The following FOXR1 variants were observed in gnomAD, a reference collection of about 807,000 sequenced individuals.
FOXR1 encodes the protein forkhead box R1, also known as forkhead box protein R1.
Under a neutral mutation model 34.5 loss-of-function variants are expected in FOXR1, and 25 were observed. The ratio of observed to expected loss-of-function variants is 0.72; its 90% confidence interval spans 0.53 to 1.01. The LOEUF (loss-of-function observed/expected upper bound fraction) is 1.01. FOXR1 is among the 50% of genes least tolerant of loss of function. The pLI, the probability that FOXR1 is intolerant of heterozygous loss-of-function variation, is 0.00. For synonymous variants in FOXR1, 153 were observed against 141.6 expected (o/e 1.08, Z -0.57); for missense variants, 373 against 376.2 (o/e 0.99, Z 0.07).
Position 118,979,605 on chromosome 11 carries a change from C to T in FOXR1, c.548C>T (p.Ala183Val), listed in dbSNP as rs781867366. Residue 183 changes from alanine to valine, a missense_variant, in exon 4 of 6, where the codon GCC becomes GTC. Ala to Val is a moderately conservative substitution (Grantham distance 64). Transcript: ENST00000317011. ...CCTCTCAATTACTTCCACCTAATTGCCCTGGCATTAAGAAACAGTTCCCCC... is the reference window on the plus strand; with the variant it reads ...CCTCTCAATTACTTCCACCTAATTGTCCTGGCATTAAGAAACAGTTCCCCC... ...RPPLNYFHLI[A>V]LALRNSSPCG... 5.6e-6 allele frequency: 9 copies of T among 1,612,660 alleles called. No individual in the cohort carries two copies. The highest frequency in any genetic ancestry group is 2.2e-5 in the South Asian group (2 of 90,714).
In FOXR1 at chr11:118,971,839, C is replaced by CCT. The variant is rs1397354240; in HGVS notation, c.-90_-89dup. 7.1e-7 allele frequency: 1 copy of CCT among 1,410,710 alleles called. No individual in the cohort carries two copies. The highest frequency in any genetic ancestry group is 1.4e-5 in the African/African-American group (1 of 70,246). 87.4% of individuals were successfully genotyped at this position (1,410,710 alleles called of 1,614,324 possible). A position where few individuals can be genotyped will look rare whatever the true frequency, so the allele number is the denominator to read the frequency against. ...CGCGTCCCCACTCCGCGCCGCCGCG[C>CCT]CTCTGCCAGCCCCGAAGGTGGACGT... On this transcript the variant is annotated 5_prime_UTR_variant, in exon 1 of 6. Transcript: ENST00000317011.
intron 1 of FOXR1, among the ~76,000 whole-genome samples, chr11:118,974,408 T>C (rs940469402): frequency 2.0e-5 from 3 of 152,016 alleles, no homozygotes; most frequent in African/African-American, 7.2e-5. Context: ...TCTCCCTATG[T>C]TGCCCAGGCT....
chr11:118,980,339 C>A, intron 4 of FOXR1, 151 bp from the exon 5 acceptor site: 1 of 863,798 alleles, frequency 1.2e-6, no homozygotes, highest in Non-Finnish European at 1.9e-6. Flanking sequence ...TTGCCACGTG[C>A]TCAGTTAGCA....
intron 1 of FOXR1, 58 bp from the exon 2 acceptor site, chr11:118,978,724 A>C (rs1592028407): frequency 1.3e-6 from 2 of 1,585,680 alleles, no homozygotes; most frequent in Non-Finnish European, 1.7e-6. Flanking sequence ...CTAGGATCCT[A>C]GGGTCACAAA....
intron 4 of FOXR1, 106 bp from the exon 5 acceptor site, chr11:118,980,384 C>G: frequency 7.6e-7 from 1 of 1,313,130 alleles, no homozygotes; most frequent in Non-Finnish European, 1.1e-6. Flanking sequence ...TACTATCCCC[C>G]TGGAGAGAAG....
In FOXR1 at chr11:118,979,207, A is replaced by G; in HGVS notation, c.384+3A>G. 6.6e-7 allele frequency: 1 copy of G among 1,518,750 alleles called. No individual in the cohort carries two copies. The highest frequency in any genetic ancestry group is 8.8e-7 in the Non-Finnish European group (1 of 1,136,744). 94.1% of individuals were successfully genotyped at this position (1,518,750 alleles called of 1,614,324 possible). ...CCTTTTCCCCCAGCACCTGGGAGGTATGCATTTTTGGGGATGGGAGTGGGA... is the reference window on the plus strand; with the variant it reads ...CCTTTTCCCCCAGCACCTGGGAGGTGTGCATTTTTGGGGATGGGAGTGGGA... On this transcript the variant is annotated splice_donor_region_variant and intron_variant, in intron 3 of 5. Coordinates refer to ENST00000317011, the MANE Select transcript of FOXR1 (RefSeq NM_181721.3).
rs1389522055 is a variant in FOXR1, at chr11:118,980,547, C to T, written c.669C>T (p.His223=). The T allele has an allele frequency of 6.2e-7, 1 of 1,614,250 alleles. No homozygotes were observed. Among genetic ancestry groups the T allele is most frequent in the Non-Finnish European group, 8.5e-7 (1 of 1,180,048 alleles). ...AAGGCTGGAAGAATACTGTCCGTCA[C>T]AATCTCTGTTTTCGAGACAGCTTTG... ...APEGWKNTVR[H]NLCFRDSFEK... Residue 223 remains histidine, a synonymous_variant, in exon 5 of 6, where the codon CAC becomes CAT. Transcript: ENST00000317011.
Position 118,979,609 on chromosome 11 carries a change from G to T in FOXR1, c.552G>T (p.Leu184=). The change falls in exon 4 of 6, where the codon CTG becomes CTT. Residue 184 remains leucine, a synonymous_variant. Transcript: ENST00000317011. ...PPLNYFHLIA[L]ALRNSSPCGL... ...TCAATTACTTCCACCTAATTGCCCT[G>T]GCATTAAGAAACAGTTCCCCCTGTG... 1 of 1,612,508 alleles carries T rather than the reference G, an allele frequency of 6.2e-7. No homozygotes were observed. The highest frequency in any genetic ancestry group is 8.5e-7 in the Non-Finnish European group (1 of 1,179,298).
intron 1 of FOXR1, among the ~76,000 whole-genome samples, chr11:118,976,445 G>A (rs1039846443): frequency 7.2e-5 from 11 of 152,182 alleles, no homozygotes; most frequent in Non-Finnish European, 7.3e-5. Flanking sequence ...CAAGCAATCC[G>A]CCTGCCTAAG....
chr11:118,973,489 C>T (rs977354816), intron 1 of FOXR1, among the ~76,000 whole-genome samples: 2 of 151,756 alleles, frequency 1.3e-5, no homozygotes, highest in Non-Finnish European at 2.9e-5. Flanking sequence ...CTCCTCTGCC[C>T]CCCGGGTTCA....
rs1312956752 is a variant in FOXR1 at position 118,980,646 on chromosome 11, G to GGGACACC, written c.770_776dup (p.Arg260ThrfsTer34). The GGGACACC allele has an allele frequency of 6.2e-7, 1 of 1,614,102 alleles. No homozygotes were observed. Among genetic ancestry groups the GGGACACC allele is most frequent in the South Asian group, 1.1e-5 (1 of 91,092 alleles). ...CTTGCCTCTGGAAGTTGACCGAGGA[G>GGGACACC]GGACACCGCCGCTTTGCGGAGGAGG... On this transcript the variant is annotated frameshift_variant, in exon 5 of 6. Transcript: ENST00000317011. LOFTEE classifies it high-confidence loss of function.
intron 4 of FOXR1, 152 bp from the exon 5 acceptor site, chr11:118,980,338 G>A (rs1347693211): frequency 1.2e-6 from 1 of 852,490 alleles, no homozygotes. Context: ...TTTGCCACGT[G>A]CTCAGTTAGC....
At position 118,980,711 on chromosome 11, in the gene FOXR1, A is replaced by G. The variant is rs782041633; in HGVS notation, c.833A>G (p.Gln278Arg). Residue 278 changes from glutamine to arginine, a missense_variant, in exon 5 of 6, where the codon CAG becomes CGG. By Grantham distance (43) the Gln-to-Arg change is conservative. Coordinates refer to ENST00000317011, the MANE Select transcript of FOXR1 (RefSeq NM_181721.3). Reference protein sequence around the residue: ...LASTRLESIQQCMSQPDVMPF... With the variant: ...LASTRLESIQRCMSQPDVMPF... ...TCCACTCGGCTAGAAAGTATCCAACAGTGCATGAGCCAGCCAGGTGTGAAG... is the reference window on the plus strand; with the variant it reads ...TCCACTCGGCTAGAAAGTATCCAACGGTGCATGAGCCAGCCAGGTGTGAAG... 9 of 1,612,938 alleles carry G rather than the reference A, an allele frequency of 5.6e-6. No homozygotes were observed. The highest frequency in any genetic ancestry group is 2.7e-5 in the African/African-American group (2 of 74,944).
intron 5 of FOXR1, 72 bp from the exon 6 acceptor site, chr11:118,981,136 G>A (rs1387550003): frequency 2.0e-6 from 3 of 1,481,472 alleles, no homozygotes; most frequent in South Asian, 2.3e-5. Context: ...GACCTGCTAT[G>A]AGAGAGCATC....
At position 118,981,241 on chromosome 11, in the gene FOXR1, A is replaced by C. The variant is rs782067682; in HGVS notation, c.*5A>C. On this transcript the variant is annotated 3_prime_UTR_variant, in exon 6 of 6. Coordinates refer to ENST00000317011, the MANE Select transcript of FOXR1 (RefSeq NM_181721.3). ...CCCTTCCTCTTTGATCTTTAACCCC[A>C]AGAAGCAACAGCCAGCTAATGCTTT... 6.2e-7 allele frequency: 1 copy of C among 1,613,964 alleles called. No homozygotes were observed.
At position 118,978,709 on chromosome 11, in the gene FOXR1, A is replaced by C. The variant is rs1462035446; in HGVS notation, c.62-73A>C. The C allele has an allele frequency of 2.0e-6, 3 of 1,516,180 alleles. No homozygotes were observed. The East Asian group carries it at 6.8e-5, about 34-fold the overall frequency. 93.9% of individuals were successfully genotyped at this position (1,516,180 alleles called of 1,614,324 possible). A position where few individuals can be genotyped will look rare whatever the true frequency, so the allele number is the denominator to read the frequency against. ...CACAACCTTCTCCCAGAGAAGCCTT[A>C]AGGCCTAGGATCCTAGGGTCACAAA... On this transcript the variant is annotated intron_variant, in intron 1 of 5. Transcript: ENST00000317011.
chr11:118,972,117 C>T (rs2134477079), intron 1 of FOXR1, 125 bp downstream of exon 1: 4 of 632,488 alleles, frequency 6.3e-6, no homozygotes, highest in East Asian at 6.3e-5. Context: ...CTTGGGGGGC[C>T]GAGCGCCCCG....
rs781890423 is a variant in FOXR1, at chr11:118,979,484, T to C, written c.427T>C (p.Ser143Pro). 3 of 1,612,684 alleles carry C rather than the reference T, an allele frequency of 1.9e-6. No homozygotes were observed. Among genetic ancestry groups the C allele is most frequent in the Non-Finnish European group, 1.7e-6 (2 of 1,179,316 alleles). The change falls in exon 4 of 6, where the codon TCT (serine) becomes CCT (proline). Residue 143 changes from serine to proline, a missense_variant. Ser to Pro is a moderately conservative substitution (Grantham distance 74). Coordinates refer to ENST00000317011, the MANE Select transcript of FOXR1 (RefSeq NM_181721.3). ...GGCTGAGGACCAGGAAGACAGCTCC[T>C]CTATGGCTCTCCCATCCCCTCACAA... ...EEAEDQEDSS[S>P]MALPSPHKRA...
At chr11:118,974,731 C>A (rs943390919) in intron 1 of FOXR1, among the ~76,000 whole-genome samples, 1 of 152,044 alleles carries the variant, frequency 6.6e-6, no homozygotes, top group African/African-American at 2.4e-5. Flanking sequence ...AGTAGTAATC[C>A]AGACAAGAGA....
Sources: allele counts gnomAD v4.1 joint callset (sites outside exome capture counted in the v4.1 genomes callset), GRCh38; gene constraint gnomAD v4.1.1; transcripts MANE v1.5; gene names NCBI Gene and HGNC (gene_info 2026-07-23, HGNC 2026-07-21).